EPB41L4A: variants seen among roughly 807,000 people sequenced by gnomAD.
The protein encoded by EPB41L4A is band 4.1-like protein 4A.
In EPB41L4A, 100 loss-of-function variants were observed where a neutral mutation model predicts 108.6. That is an observed-to-expected ratio of 0.92 (90% CI 0.78 to 1.09). The LOEUF is 1.09. Among genes scored for constraint, EPB41L4A ranks in the 50% least tolerant of loss-of-function variants. EPB41L4A has a pLI of 0.00. For synonymous variants in EPB41L4A, 319 were observed against 289.0 expected, an observed-to-expected ratio of 1.10 and a Z score of -1.05; for missense variants, 1,030 against 842.7, an observed-to-expected ratio of 1.22 and a Z score of -2.75.
upstream of EPB41L4A, chr5:112,419,520 T>C (rs1053918335): frequency 2.5e-6 from 1 of 393,126 alleles, no homozygotes; most frequent in Non-Finnish European, 5.1e-6. Flanking sequence ...TGGCGTCCGA[T>C]CGGCCTGCGG....
chr5:112,276,845 C>A (rs999249181), intron 3 of EPB41L4A, among the ~76,000 whole-genome samples: 2 of 152,148 alleles, frequency 1.3e-5, no homozygotes, highest in African/African-American at 2.4e-5. Context: ...ATGTGGGAGA[C>A]CATCAAGATG....
At chr5:112,243,546 T>G (rs1158219560) in intron 9 of EPB41L4A, among the ~76,000 whole-genome samples, 1 of 152,172 alleles carries the variant, frequency 6.6e-6, no homozygotes, top group African/African-American at 2.4e-5. Context: ...AAGTCCTAGA[T>G]GGCATCTTCT....
At chr5:112,184,250 T>G in intron 17 of EPB41L4A, 115 bp from the exon 18 acceptor site, 2 of 1,233,838 alleles carry the variant, frequency 1.6e-6, no homozygotes, top group Non-Finnish European at 1.1e-6. Flanking sequence ...TTATGATCAT[T>G]TATAGCTAAA....
At position 112,205,460 on chromosome 5, in the gene EPB41L4A, C is replaced by G. The variant is rs369134005; in HGVS notation, c.1223G>C (p.Ser408Thr). The stretch of plus-strand genomic sequence containing the variant: ...TTCTTCCCACGGTGCATGAGATTTG[C>G]TTCTTTGGGTATCAGGGCTATTTTC... ...KNENSPDTQR[S>T]KSHAPWEENG... Residue 408 changes from serine (S) to threonine (T), a missense_variant, in exon 14 of 23, where the codon AGC (serine) becomes ACC (threonine). Coordinates refer to ENST00000261486, the MANE Select transcript of EPB41L4A (RefSeq NM_022140.5). The G allele has an allele frequency of 4.0e-5, 65 of 1,613,706 alleles. No homozygotes were observed. The highest frequency in any genetic ancestry group is 4.9e-5 in the Non-Finnish European group (58 of 1,179,900).
chr5:112,314,419 G>A (rs1010925680), intron 1 of EPB41L4A, among the ~76,000 whole-genome samples: 2 of 137,764 alleles, frequency 1.5e-5, no homozygotes, highest in Admixed American at 8.2e-5. Context: ...TGTAATCCCA[G>A]CAATTTGGGA....
chr5:112,267,711 T>C (rs1022313770), intron 4 of EPB41L4A, among the ~76,000 whole-genome samples: 1 of 152,140 alleles, frequency 6.6e-6, no homozygotes, highest in African/African-American at 2.4e-5. Context: ...CATACTTACT[T>C]TCCTTCCAAT....
chr5:112,200,286 C>T (rs12187809), intron 15 of EPB41L4A, among the ~76,000 whole-genome samples: 2 of 152,114 alleles, frequency 1.3e-5, no homozygotes, highest in Non-Finnish European at 2.9e-5. Context: ...AGGAAACTAA[C>T]CCCAACCTCT....
chr5:112,261,396 C>T (rs1751472105), intron 7 of EPB41L4A, among the ~76,000 whole-genome samples: 1 of 152,064 alleles, frequency 6.6e-6, no homozygotes, highest in Non-Finnish European at 1.5e-5. Flanking sequence ...TTCCATAATC[C>T]AATTGATTAA....
At chr5:112,401,564 C>T (rs4957646) in intron 1 of EPB41L4A, among the ~76,000 whole-genome samples, 15,200 of 152,180 alleles carry the variant, frequency 0.1, 866 homozygotes, top group East Asian at 0.23. Flanking sequence ...TTATTCTCCA[C>T]CCAAATGTCT....
At chr5:112,419,509 C>G (rs1459391342), upstream of EPB41L4A, 1 of 388,546 alleles carries the variant, frequency 2.6e-6, no homozygotes, top group Non-Finnish European at 5.1e-6. Flanking sequence ...CCCCGACGTC[C>G]TGGCGTCCGA....
chr5:112,374,268 A>C (rs150585998), intron 1 of EPB41L4A, among the ~76,000 whole-genome samples: 209 of 152,352 alleles, frequency 1.4e-3, no homozygotes, highest in African/African-American at 4.9e-3. Flanking sequence ...AAGGCTGAGA[A>C]TGTTCTCATT....
intron 3 of EPB41L4A, among the ~76,000 whole-genome samples, 163 bp from the exon 4 acceptor site, chr5:112,275,567 C>T (rs531981426): frequency 1.8e-4 from 28 of 152,214 alleles, no homozygotes; most frequent in Admixed American, 1.4e-3. Flanking sequence ...GATAGGACCT[C>T]GACACATACA....
chr5:112,366,666 A>T (rs1203542628), intron 1 of EPB41L4A, among the ~76,000 whole-genome samples: 1 of 151,954 alleles, frequency 6.6e-6, no homozygotes, highest in East Asian at 1.9e-4. Context: ...TGTGTCTTCC[A>T]TTGGCTACAA....
At chr5:112,370,991 T>C (rs1279316331) in intron 1 of EPB41L4A, among the ~76,000 whole-genome samples, 1 of 152,216 alleles carries the variant, frequency 6.6e-6, no homozygotes. Context: ...GTTTAGAACA[T>C]GGAAATAACC....
rs931938298 is a variant in EPB41L4A at position 112,322,942 on chromosome 5, G to C, written c.100-15452C>G. ...ATGAAAAAGACAGAAGAAGGTAAAG[G>C]GGGAAAGGTAATGGGGACTTTCAAG... is the stretch of plus-strand genomic sequence containing the variant. On this transcript the variant is annotated intron_variant, in intron 1 of 22. Transcript: ENST00000261486. 2.1e-5 allele frequency among the ~76,000 whole-genome samples: 3 copies of C among 144,472 alleles called. No individual in the cohort carries two copies. The Admixed American group carries it at 2.2e-4, about 11-fold the overall frequency. 94.8% of individuals were successfully genotyped at this position (144,472 alleles called of 152,430 possible). A position where few individuals can be genotyped will look rare whatever the true frequency, so the allele number is the denominator to read the frequency against.
chr5:112,261,007 T>C (rs1254238196), intron 7 of EPB41L4A, among the ~76,000 whole-genome samples: 1 of 152,166 alleles, frequency 6.6e-6, no homozygotes, highest in Non-Finnish European at 1.5e-5. Flanking sequence ...TGTAGAAGCA[T>C]TTTGCAGAAG....
At chr5:112,170,872 T>G in intron 19 of EPB41L4A, 73 bp downstream of exon 19, 1 of 1,361,274 alleles carries the variant, frequency 7.3e-7, no homozygotes. Context: ...CCTCTCAGTA[T>G]CAGGAGTCTT....
rs149714127 is a variant in EPB41L4A, at chr5:112,291,994, T to C, written c.205-11671A>G. ...GCAGTGGCTCACACCTGTAATTACA[T>C]GGGTAGAGACTTTTTCTCTACATAC... On this transcript the variant is annotated intron_variant, in intron 2 of 22. Transcript: ENST00000261486. 2.1e-3 allele frequency among the ~76,000 whole-genome samples: 315 copies of C among 152,320 alleles called. 2 individuals carry two copies. The highest frequency in any genetic ancestry group is 7.2e-3 in the African/African-American group (298 of 41,570).
chr5:112,149,675 C>G (rs12658222), intron 12 of EPB41L4A, among the ~76,000 whole-genome samples: 2 of 151,970 alleles, frequency 1.3e-5, no homozygotes, highest in Admixed American at 6.5e-5. Flanking sequence ...AGTAGAGCTA[C>G]GCAGAGAAAT....
Sources: gnomAD v4.1 joint callset for allele counts (sites outside exome capture counted in the v4.1 genomes callset) on GRCh38, gnomAD v4.1.1 for gene constraint, MANE v1.5 for transcripts, NCBI Gene and HGNC (gene_info 2026-07-23, HGNC 2026-07-21) for gene names.